The following SMYD2 variants were observed in gnomAD, a reference collection of about 807,000 sequenced individuals.
The protein encoded by SMYD2 is N-lysine methyltransferase SMYD2.
In SMYD2, 53 loss-of-function variants were observed where a neutral mutation model predicts 59.1. The observed-to-expected ratio is 0.90, with a 90% CI of 0.72 to 1.13. The LOEUF is 1.13. Among genes scored for constraint, SMYD2 ranks in the 50% most tolerant of loss-of-function variants. The pLI, the probability that SMYD2 is intolerant of heterozygous loss-of-function variation, is 0.00. For missense variants in SMYD2, 494 were observed against 544.7 expected (o/e 0.91, Z 0.93); for synonymous variants, 208 against 198.8 (o/e 1.05, Z -0.39).
chr1:214,322,140 T>C (rs1657181748), intron 5 of SMYD2, among the ~76,000 whole-genome samples: 1 of 152,208 alleles, frequency 6.6e-6, no homozygotes. Context: ...TAGATCAGTT[T>C]TGAAAAGTGT....
At chr1:214,315,374 A>T (rs1657067798) in intron 3 of SMYD2, among the ~76,000 whole-genome samples, 1 of 152,218 alleles carries the variant, frequency 6.6e-6, no homozygotes, top group South Asian at 2.1e-4. Context: ...AAAGAAGAGA[A>T]AGAGTGGAAA....
At chr1:214,305,131 G>A in intron 1 of SMYD2, 56 bp from the exon 2 acceptor site, 1 of 1,504,818 alleles carries the variant, frequency 6.6e-7, no homozygotes, top group Non-Finnish European at 9.2e-7. Flanking sequence ...ATGATAAAAT[G>A]TACAGCTTCA....
chr1:214,306,537 T>G (rs1394636352), intron 2 of SMYD2, among the ~76,000 whole-genome samples: 1 of 152,100 alleles, frequency 6.6e-6, no homozygotes, highest in Non-Finnish European at 1.5e-5. Context: ...TGTGTGGCAG[T>G]GAGAATATAA....
chr1:214,330,023 G>A (rs910061048), intron 7 of SMYD2, 145 bp from the exon 8 acceptor site: 27 of 520,740 alleles, frequency 5.2e-5, no homozygotes, highest in South Asian at 3.4e-4. Context: ...CAGGAATTCC[G>A]TGCCTTAAAG....
chr1:214,309,337 C>T (rs1007334), intron 2 of SMYD2, among the ~76,000 whole-genome samples: 22,748 of 151,008 alleles, frequency 0.15, 1,733 homozygotes, highest in Middle Eastern at 0.2. Context: ...TTTCTAAATA[C>T]GCCTGGGAAG....
intron 1 of SMYD2, among the ~76,000 whole-genome samples, chr1:214,299,711 A>G (rs1656791174): frequency 6.6e-6 from 1 of 151,984 alleles, no homozygotes; most frequent in South Asian, 2.1e-4. Flanking sequence ...AGTTCAAGTA[A>G]TTCTCCTGCC....
intron 10 of SMYD2, chr1:214,333,094 C>T (rs556599666): frequency 6.6e-6 from 1 of 152,320 alleles, no homozygotes; most frequent in Non-Finnish European, 1.5e-5. Context: ...ACTTACCCCA[C>T]TGTGCCCTGA....
intron 7 of SMYD2, among the ~76,000 whole-genome samples, chr1:214,329,547 C>A (rs967578798): frequency 6.6e-6 from 1 of 152,182 alleles, no homozygotes; most frequent in African/African-American, 2.4e-5. Flanking sequence ...TAAGGACTTT[C>A]CAAGCTCGCT....
chr1:214,311,951 A>G (rs983191796), intron 2 of SMYD2, among the ~76,000 whole-genome samples: 1 of 152,102 alleles, frequency 6.6e-6, no homozygotes, highest in Non-Finnish European at 1.5e-5. Flanking sequence ...ATATCCTCTC[A>G]GGTATCCCGA....
intron 1 of SMYD2, among the ~76,000 whole-genome samples, chr1:214,296,958 G>A (rs1414765031): frequency 6.6e-6 from 1 of 152,176 alleles, no homozygotes; most frequent in African/African-American, 2.4e-5. Flanking sequence ...TTATGTAAAT[G>A]TTCATCATCA....
At chr1:214,299,875 G>C (rs1468139952) in intron 1 of SMYD2, among the ~76,000 whole-genome samples, 1 of 152,062 alleles carries the variant, frequency 6.6e-6, no homozygotes, top group Non-Finnish European at 1.5e-5. Context: ...CAAAGTGCTG[G>C]GATTACAGGC....
intron 3 of SMYD2, among the ~76,000 whole-genome samples, chr1:214,315,139 C>T (rs961671014): frequency 2.8e-4 from 43 of 152,172 alleles, no homozygotes; most frequent in African/African-American, 8.9e-4. Flanking sequence ...GACAGGTTTA[C>T]ATGGAAATAC....
intron 1 of SMYD2, among the ~76,000 whole-genome samples, chr1:214,287,610 ATGGCCTGTTGACCCAT>A (rs1656571913): frequency 6.7e-6 from 1 of 148,700 alleles, no homozygotes; most frequent in African/African-American, 2.5e-5. Context: ...AAAAAAAAAG[ATGGCCTGTTGACCCAT>A]AGCCACAACC....
intron 2 of SMYD2, among the ~76,000 whole-genome samples, chr1:214,313,364 A>T (rs1375971074): frequency 6.6e-6 from 1 of 151,872 alleles, no homozygotes; most frequent in African/African-American, 2.4e-5. Flanking sequence ...TGATCCGCCC[A>T]TGTCAGCCTC....
chr1:214,325,429 C>A (rs1657244823), intron 6 of SMYD2, among the ~76,000 whole-genome samples: 2 of 152,222 alleles, frequency 1.3e-5, no homozygotes, highest in South Asian at 4.1e-4. Context: ...TGCATCCCCC[C>A]AGCCTCCAAA....
In SMYD2 at chr1:214,327,653, A is replaced by T; in HGVS notation, c.634A>T (p.Asn212Tyr). 1 of 1,614,228 alleles carries T rather than the reference A, an allele frequency of 6.2e-7. No homozygotes were observed. Among genetic ancestry groups the T allele is most frequent in the Non-Finnish European group, 8.5e-7 (1 of 1,180,034 alleles). ...VALMNHSCCP[N>Y]VIVTYKGTLA... ...ATTGATGAATCATAGCTGTTGCCCC[A>T]ATGTCATTGTGACCTACAAAGGGAC... The change falls in exon 7 of 12, where the codon AAT becomes TAT. Residue 212 changes from asparagine (N) to tyrosine (Y), a missense_variant. Asn to Tyr is a moderately radical substitution (Grantham distance 143). Coordinates refer to ENST00000366957, the MANE Select transcript of SMYD2 (RefSeq NM_020197.3).
At chr1:214,325,669 G>A (rs1657248102) in intron 6 of SMYD2, among the ~76,000 whole-genome samples, 2 of 151,658 alleles carry the variant, frequency 1.3e-5, no homozygotes, top group African/African-American at 2.4e-5. Context: ...GCTGTCACAG[G>A]TTTACTTGAA....
chr1:214,300,944 A>T (rs144601080), intron 1 of SMYD2, among the ~76,000 whole-genome samples: 2 of 152,236 alleles, frequency 1.3e-5, no homozygotes, highest in Non-Finnish European at 2.9e-5. Context: ...TTTTGTTTAT[A>T]TGAGTTATAG....
chr1:214,331,199 A>T (rs1372893127), intron 9 of SMYD2, 129 bp downstream of exon 9: 14 of 1,368,602 alleles, frequency 1.0e-5, no homozygotes, highest in Non-Finnish European at 1.3e-5. Flanking sequence ...GTCTCCTAGT[A>T]AATGTGTAAA....
Sources: allele counts gnomAD v4.1 joint callset (sites outside exome capture counted in the v4.1 genomes callset), GRCh38; gene constraint gnomAD v4.1.1; transcripts MANE v1.5; gene names NCBI Gene and HGNC (gene_info 2026-07-23, HGNC 2026-07-21).